Variants in ZMYM4 observed in about 807,000 individuals in gnomAD.
ZMYM4 encodes the protein zinc finger MYM-type protein 4.
Under a neutral mutation model 183.2 loss-of-function variants are expected in ZMYM4, and 31 were observed. That is an observed-to-expected ratio of 0.17 (90% CI 0.13 to 0.23). The LOEUF (loss-of-function observed/expected upper bound fraction) is 0.23. ZMYM4 is among the 10% of genes least tolerant of loss of function. The pLI, the probability that ZMYM4 is intolerant of heterozygous loss-of-function variation, is 1.00. For missense variants in ZMYM4, 1,273 were observed against 1,840.3 expected, an observed-to-expected ratio of 0.69 and a Z score of 5.64; for synonymous variants, 592 against 631.2, an observed-to-expected ratio of 0.94 and a Z score of 0.93.
chr1:35,408,697 A>C (rs2149031940), intron 26 of ZMYM4, among the ~76,000 whole-genome samples: 1 of 152,346 alleles, frequency 6.6e-6, no homozygotes, highest in Middle Eastern at 3.4e-3. Context: ...TTGGAGCTCC[A>C]GCCTAGGTGG....
intron 23 of ZMYM4, 40 bp from the exon 24 acceptor site, chr1:35,404,983 A>G: frequency 6.5e-7 from 1 of 1,547,982 alleles, no homozygotes; most frequent in Admixed American, 2.0e-5. Flanking sequence ...AAAATCCAAA[A>G]CTAAATTTTA....
At chr1:35,300,315 T>G (rs919452789) in intron 1 of ZMYM4, among the ~76,000 whole-genome samples, 3 of 152,220 alleles carry the variant, frequency 2.0e-5, no homozygotes, top group African/African-American at 7.2e-5. Flanking sequence ...TTATTTTTGT[T>G]CCTTTGGATG....
At chr1:35,340,962 A>G (rs534172665) in intron 2 of ZMYM4, among the ~76,000 whole-genome samples, 8 of 152,226 alleles carry the variant, frequency 5.3e-5, no homozygotes, top group Admixed American at 2.0e-4. Flanking sequence ...TGAGTAGCCT[A>G]TTGTGCCACC....
intron 1 of ZMYM4, among the ~76,000 whole-genome samples, chr1:35,309,687 T>G (rs1196330147): frequency 2.6e-5 from 4 of 152,090 alleles, no homozygotes; most frequent in Admixed American, 2.6e-4. Flanking sequence ...CTCAAAATAC[T>G]TTATGGTGAT....
chr1:35,306,301 C>T (rs1641531194), intron 1 of ZMYM4, among the ~76,000 whole-genome samples: 1 of 152,018 alleles, frequency 6.6e-6, no homozygotes, highest in African/African-American at 2.4e-5. Flanking sequence ...ATCTCTCTCC[C>T]TTCCTTTTTC....
At chr1:35,352,867 C>T (rs1300535576) in intron 2 of ZMYM4, among the ~76,000 whole-genome samples, 1 of 152,170 alleles carries the variant, frequency 6.6e-6, no homozygotes, top group African/African-American at 2.4e-5. Flanking sequence ...TACCTAGTTT[C>T]ATGAATTTTA....
At chr1:35,407,428 CA>C (rs548295593) in intron 25 of ZMYM4, among the ~76,000 whole-genome samples, 2,883 of 77,406 alleles carry the variant, frequency 0.037, 60 homozygotes, top group African/African-American at 0.11. Context: ...AATTCCATCT[CA>C]AAAAAAAAAA....
intron 1 of ZMYM4, among the ~76,000 whole-genome samples, chr1:35,319,078 C>G (rs926125692): frequency 6.6e-6 from 1 of 152,058 alleles, no homozygotes; most frequent in African/African-American, 2.4e-5. Context: ...CAGGGTTTCT[C>G]TATGTTGGTC....
intron 1 of ZMYM4, among the ~76,000 whole-genome samples, chr1:35,323,625 GCT>G (rs1642383354): frequency 6.6e-6 from 1 of 151,780 alleles, no homozygotes; most frequent in East Asian, 1.9e-4. Context: ...CTCACTGCAA[GCT>G]CTGTCTCCCA....
intron 11 of ZMYM4, 94 bp downstream of exon 11, chr1:35,386,283 G>A: frequency 1.2e-6 from 1 of 829,562 alleles, no homozygotes; most frequent in Non-Finnish European, 1.9e-6. Flanking sequence ...CCCTAGACTG[G>A]GTAATTTATA....
At chr1:35,338,816 C>T (rs2148854495) in intron 2 of ZMYM4, among the ~76,000 whole-genome samples, 1 of 152,086 alleles carries the variant, frequency 6.6e-6, no homozygotes, top group South Asian at 2.1e-4. Flanking sequence ...TAGTTTTTTT[C>T]TTATTGAATT....
chr1:35,376,274 C>T (rs749907234), intron 7 of ZMYM4, among the ~76,000 whole-genome samples: 1 of 152,132 alleles, frequency 6.6e-6, no homozygotes, highest in Non-Finnish European at 1.5e-5. Flanking sequence ...TCCACTACCA[C>T]AATAAGATGT....
At chr1:35,278,625 C>A (rs1336622142) in intron 1 of ZMYM4, among the ~76,000 whole-genome samples, 1 of 152,062 alleles carries the variant, frequency 6.6e-6, no homozygotes, top group African/African-American at 2.4e-5. Context: ...CGGGGTTTCA[C>A]TATGTTAGGA....
At chr1:35,321,272 GT>G (rs1642271213) in intron 1 of ZMYM4, among the ~76,000 whole-genome samples, 1 of 152,174 alleles carries the variant, frequency 6.6e-6, no homozygotes, top group Non-Finnish European at 1.5e-5. Flanking sequence ...TTGGGTGTGT[GT>G]GGGTTGTGTG....
rs182788560 is a variant in ZMYM4 at position 35,303,871 on chromosome 1, T to C, written c.40-21489T>C. ...TCTTGATTTGGCATCCTTCTTTAAG[T>C]TATATCAATAACTTATGGTTTAAAG... On this transcript the variant is annotated intron_variant, in intron 1 of 29. Transcript: ENST00000314607. Among the ~76,000 whole-genome samples, 11 of 152,296 alleles carry C rather than the reference T, an allele frequency of 7.2e-5. No homozygotes were observed. The East Asian group carries it at 1.9e-3, about 27-fold the overall frequency.
chr1:35,409,763 A>G (rs1465032772), intron 26 of ZMYM4, among the ~76,000 whole-genome samples: 1 of 151,994 alleles, frequency 6.6e-6, no homozygotes, highest in Admixed American at 6.6e-5. Context: ...AACATGGTGA[A>G]ACCCTGTCTC....
At chr1:35,366,042 G>A (rs1644070110) in intron 5 of ZMYM4, 1 of 152,160 alleles carries the variant, frequency 6.6e-6, no homozygotes, top group Admixed American at 6.5e-5. Flanking sequence ...GACCGTTAAT[G>A]TATGCCAATG....
chr1:35,325,366 CAA>C lies in ZMYM4; in HGVS notation c.51_52del (p.Ser18TrpfsTer5), dbSNP rs759547799. ...TCCTTTTTTGCTTTTCCAGTTTGAA[CAA>C]AAAAGTGGTGCAGTTTTTGATGAAA... Reference protein sequence around the residue: ...VESGPRKRFEQKSGAVFDEIV... With the variant: ...VESGPRKRFEXKSGAVFDEIV... On this transcript the variant is annotated frameshift_variant, in exon 2 of 30. Coordinates refer to ENST00000314607, the MANE Select transcript of ZMYM4 (RefSeq NM_005095.3). LOFTEE classifies it high-confidence loss of function. 6.3e-7 allele frequency: 1 copy of C among 1,599,854 alleles called. No homozygotes were observed. Among genetic ancestry groups the C allele is most frequent in the African/African-American group, 1.3e-5 (1 of 74,458 alleles).
At chr1:35,410,026 A>G (rs1639817144) in intron 26 of ZMYM4, among the ~76,000 whole-genome samples, 1 of 152,046 alleles carries the variant, frequency 6.6e-6, no homozygotes, top group Non-Finnish European at 1.5e-5. Flanking sequence ...GCTTCTGGTG[A>G]GCGCTTCAGG....
Sources: gnomAD v4.1 joint callset for allele counts (sites outside exome capture counted in the v4.1 genomes callset) on GRCh38, gnomAD v4.1.1 for gene constraint, MANE v1.5 for transcripts, NCBI Gene and HGNC (gene_info 2026-07-23, HGNC 2026-07-21) for gene names.